ATXN1: variants seen among roughly 807,000 people sequenced by gnomAD.
The protein encoded by ATXN1 is ataxin-1.
A neutral mutation model predicts 56.4 loss-of-function variants in ATXN1; 8 were observed. The observed-to-expected ratio is 0.14, with a 90% CI of 0.08 to 0.26. The LOEUF is 0.26. Among genes scored for constraint, ATXN1 ranks in the 10% least tolerant of loss-of-function variants. ATXN1 has a pLI of 1.00. For missense variants in ATXN1, 987 were observed against 1,106.5 expected (o/e 0.89, Z 1.53); for synonymous variants, 514 against 494.6 (o/e 1.04, Z -0.52).
At chr6:16,574,100 C>G (rs765787579) in intron 4 of ATXN1, among the ~76,000 whole-genome samples, 3 of 152,220 alleles carry the variant, frequency 2.0e-5, no homozygotes, top group Non-Finnish European at 4.4e-5. Flanking sequence ...GATCTCAGCT[C>G]ACTGCAACCT....
chr6:16,677,654 A>C (rs986766658), intron 2 of ATXN1, among the ~76,000 whole-genome samples: 1 of 152,194 alleles, frequency 6.6e-6, no homozygotes, highest in African/African-American at 2.4e-5. Flanking sequence ...TGTCTGCTGA[A>C]GGTTAGTCTT....
intron 2 of ATXN1, among the ~76,000 whole-genome samples, chr6:16,679,571 G>A (rs993730410): frequency 1.1e-4 from 17 of 152,286 alleles, no homozygotes; most frequent in South Asian, 4.1e-4. Context: ...AAATCCTTTG[G>A]CTTTCCCACA....
At chr6:16,576,761 T>C (rs1159794381) in intron 4 of ATXN1, among the ~76,000 whole-genome samples, 1 of 152,208 alleles carries the variant, frequency 6.6e-6, no homozygotes, top group Non-Finnish European at 1.5e-5. Flanking sequence ...TGAATGCACA[T>C]ACAAATAAGC....
chr6:16,365,559 C>T (rs996597838), intron 6 of ATXN1, among the ~76,000 whole-genome samples: 2 of 152,206 alleles, frequency 1.3e-5, no homozygotes, highest in South Asian at 4.1e-4. Context: ...GGGCTTAACA[C>T]CCCTTGGCTT....
chr6:16,336,701 A>G (rs567687581), intron 6 of ATXN1, among the ~76,000 whole-genome samples: 1 of 152,334 alleles, frequency 6.6e-6, no homozygotes, highest in South Asian at 2.1e-4. Flanking sequence ...AGTCCGTGGC[A>G]GCCAGCAGCA....
At chr6:16,726,760 A>G (rs1425247153) in intron 2 of ATXN1, among the ~76,000 whole-genome samples, 1 of 152,168 alleles carries the variant, frequency 6.6e-6, no homozygotes, top group Non-Finnish European at 1.5e-5. Context: ...CAGGAGGCTG[A>G]GGCAGAAGAA....
intron 6 of ATXN1, among the ~76,000 whole-genome samples, chr6:16,350,275 A>C (rs1349057538): frequency 6.6e-6 from 1 of 152,212 alleles, no homozygotes; most frequent in East Asian, 1.9e-4. Context: ...AATGATGATA[A>C]TACGTTTTCA....
intron 2 of ATXN1, among the ~76,000 whole-genome samples, chr6:16,733,458 G>A (rs1204930105): frequency 1.3e-5 from 2 of 152,098 alleles, no homozygotes; most frequent in Non-Finnish European, 2.9e-5. Flanking sequence ...AGCTAATCGG[G>A]AGGCTGAGGT....
chr6:16,457,513 G>A (rs2113621377), intron 6 of ATXN1, among the ~76,000 whole-genome samples: 1 of 152,082 alleles, frequency 6.6e-6, no homozygotes, highest in Non-Finnish European at 1.5e-5. Context: ...TGAAAAAGAA[G>A]CGGCTTATTT....
At chr6:16,424,764 G>C (rs951166795) in intron 6 of ATXN1, among the ~76,000 whole-genome samples, 2 of 152,208 alleles carry the variant, frequency 1.3e-5, no homozygotes, top group Non-Finnish European at 2.9e-5. Context: ...AAGTGTTTCA[G>C]GTGCAAAGGA....
At chr6:16,757,058 A>G (rs1038785072) in intron 1 of ATXN1, among the ~76,000 whole-genome samples, 56 of 152,378 alleles carry the variant, frequency 3.7e-4, no homozygotes, top group African/African-American at 1.3e-3. Context: ...CAATAATCTC[A>G]GCACTGGCCT....
intron 2 of ATXN1, among the ~76,000 whole-genome samples, chr6:16,710,839 C>T (rs1267074769): frequency 2.0e-5 from 3 of 152,080 alleles, no homozygotes; most frequent in Non-Finnish European, 2.9e-5. Flanking sequence ...CTTTCTGCCT[C>T]GGCCTCCCAA....
At chr6:16,470,517 T>C (rs1460590312) in intron 6 of ATXN1, among the ~76,000 whole-genome samples, 1 of 152,244 alleles carries the variant, frequency 6.6e-6, no homozygotes, top group Non-Finnish European at 1.5e-5. Context: ...ATTATGTTGG[T>C]GAACTATACC....
chr6:16,463,911 C>A (rs1760049104), intron 6 of ATXN1, among the ~76,000 whole-genome samples: 1 of 152,170 alleles, frequency 6.6e-6, no homozygotes, highest in East Asian at 1.9e-4. Flanking sequence ...CAAATGGAAC[C>A]CCAAATGAGC....
intron 3 of ATXN1, among the ~76,000 whole-genome samples, chr6:16,612,871 C>CAG (rs1474964151): frequency 7.1e-6 from 1 of 141,056 alleles, no homozygotes; most frequent in Non-Finnish European, 1.5e-5. Flanking sequence ...AGCCTGGTGA[C>CAG]AGAGAGAGAC....
chr6:16,405,219 T>C (rs567239281), intron 6 of ATXN1, among the ~76,000 whole-genome samples: 31 of 152,354 alleles, frequency 2.0e-4, no homozygotes, highest in Admixed American at 1.9e-3. Flanking sequence ...AACAACTCTG[T>C]AGCCAACTTT....
intron 6 of ATXN1, among the ~76,000 whole-genome samples, chr6:16,345,982 G>C (rs1761377840): frequency 6.6e-6 from 1 of 152,202 alleles, no homozygotes; most frequent in Non-Finnish European, 1.5e-5. Context: ...CCTGGATGTA[G>C]GCAACACCCT....
chr6:16,702,576 A>C (rs1310360892), intron 2 of ATXN1, among the ~76,000 whole-genome samples: 1 of 152,246 alleles, frequency 6.6e-6, no homozygotes, highest in Non-Finnish European at 1.5e-5. Flanking sequence ...AAATTTTTGC[A>C]ATCTACTCAT....
chr6:16,726,876 A>G (rs1284798744), intron 2 of ATXN1, among the ~76,000 whole-genome samples: 1 of 152,144 alleles, frequency 6.6e-6, no homozygotes, highest in East Asian at 1.9e-4. Flanking sequence ...AACAAAGAAT[A>G]ATTTCTTAAC....
Sources: allele counts gnomAD v4.1 joint callset (sites outside exome capture counted in the v4.1 genomes callset), GRCh38; gene constraint gnomAD v4.1.1; transcripts MANE v1.5; gene names NCBI Gene and HGNC (gene_info 2026-07-23, HGNC 2026-07-21).